The following UMAD1 variants were observed in gnomAD, a reference collection of about 807,000 sequenced individuals.
The protein encoded by UMAD1 is UBAP1-MVB12-associated (UMA)-domain containing protein 1.
Under a neutral mutation model 6.1 loss-of-function variants are expected in UMAD1, and 8 were observed. That is an observed-to-expected ratio of 1.30 (90% CI 0.76 to 2.35). The LOEUF (loss-of-function observed/expected upper bound fraction) is 2.35. Among genes scored for constraint, UMAD1 ranks in the 30% most tolerant of loss-of-function variants. The pLI is 0.00. For synonymous variants in UMAD1, 56 were observed against 31.4 expected (o/e 1.78, Z -2.61); for missense variants, 130 against 78.4 (o/e 1.66, Z -2.49).
Position 7,778,108 on chromosome 7 carries a change from T to C in UMAD1, c.83-23562T>C, listed in dbSNP as rs143227643. ...AACTTTAATATTATGACATTGTATG[T>C]CTTATGCAATATTAGGTTCTCTGAA... On this transcript the variant is annotated intron_variant, in intron 2 of 3. Coordinates refer to ENST00000682710, the MANE Select transcript of UMAD1 (RefSeq NM_001302348.2). Among the ~76,000 whole-genome samples the C allele has an allele frequency of 1.2e-3, 189 of 152,324 alleles. 4 individuals are homozygous for C. In the East Asian group the frequency reaches 0.034, roughly 27 times the overall value.
At chr7:7,827,830 T>C (rs564418846) in intron 3 of UMAD1, among the ~76,000 whole-genome samples, 1 of 152,218 alleles carries the variant, frequency 6.6e-6, no homozygotes, top group Admixed American at 6.5e-5. Flanking sequence ...TTAATGAAAA[T>C]TACTACCAGC....
At chr7:7,670,245 C>T (rs937682391) in intron 1 of UMAD1, among the ~76,000 whole-genome samples, 14 of 152,142 alleles carry the variant, frequency 9.2e-5, no homozygotes, top group Non-Finnish European at 1.8e-4. Flanking sequence ...GTGTTTGTTC[C>T]ATTTCTGACT....
At chr7:7,847,672 C>T (rs1258440032) in intron 3 of UMAD1, among the ~76,000 whole-genome samples, 3 of 152,088 alleles carry the variant, frequency 2.0e-5, no homozygotes, top group Non-Finnish European at 4.4e-5. Flanking sequence ...CTGTAATTCT[C>T]ACCAAGGCAG....
intron 3 of UMAD1, among the ~76,000 whole-genome samples, chr7:7,849,397 T>A (rs1283445182): frequency 6.6e-6 from 1 of 152,164 alleles, no homozygotes; most frequent in African/African-American, 2.4e-5. Context: ...TGTCCTGCAG[T>A]TCAACACAGT....
In UMAD1 at chr7:7,803,450, G is replaced by GC. The variant is rs561170368; in HGVS notation, c.156+1709dup. Among the ~76,000 whole-genome samples, 53 of 152,302 alleles carry GC rather than the reference G, an allele frequency of 3.5e-4. 2 individuals are homozygous for GC. In the South Asian group the frequency reaches 0.011, roughly 31 times the overall value. On this transcript the variant is annotated intron_variant, in intron 3 of 3. Coordinates refer to ENST00000682710, the MANE Select transcript of UMAD1 (RefSeq NM_001302348.2). ...CAGCAGAAACATTTAGTGAGTGCTG[G>GC]CCATAAGTAGCATCTCTGATAGGAA...
chr7:7,693,754 C>G (rs1042761176), intron 2 of UMAD1, among the ~76,000 whole-genome samples: 2 of 151,740 alleles, frequency 1.3e-5, no homozygotes, highest in Admixed American at 6.6e-5. Context: ...TTATATCCTT[C>G]TTTAAATATT....
intron 3 of UMAD1, among the ~76,000 whole-genome samples, chr7:7,828,807 A>G (rs968883085): frequency 2.7e-4 from 41 of 152,072 alleles, no homozygotes; most frequent in Admixed American, 1.3e-4. Context: ...CTTAGGAATT[A>G]CTGAACAGAT....
At chr7:7,860,604 C>CAAAAAAAAAAAAAAAAAAA (rs373823869) in intron 3 of UMAD1, among the ~76,000 whole-genome samples, 15 of 93,830 alleles carry the variant, frequency 1.6e-4, no homozygotes, top group Admixed American at 2.6e-4. Flanking sequence ...ACTAAAAATA[C>CAAAAAAAAAAAAAAAAAAA]AAAAAAAAAA....
intron 2 of UMAD1, among the ~76,000 whole-genome samples, chr7:7,743,741 C>A (rs1781517420): frequency 6.6e-6 from 1 of 151,026 alleles, no homozygotes. Flanking sequence ...TTCCATTCTG[C>A]ACTTTTAAAA....
At chr7:7,666,131 A>G (rs1779447924) in intron 1 of UMAD1, among the ~76,000 whole-genome samples, 1 of 152,156 alleles carries the variant, frequency 6.6e-6, no homozygotes, top group South Asian at 2.1e-4. Context: ...CAAGTGTACA[A>G]GAGTTCCAGT....
At chr7:7,747,065 A>G (rs991852629) in intron 2 of UMAD1, among the ~76,000 whole-genome samples, 2 of 152,080 alleles carry the variant, frequency 1.3e-5, no homozygotes, top group Admixed American at 1.3e-4. Flanking sequence ...CTAATTAGAA[A>G]TGATGTTTAT....
At chr7:7,725,789 C>A (rs1781127999) in intron 2 of UMAD1, among the ~76,000 whole-genome samples, 1 of 152,192 alleles carries the variant, frequency 6.6e-6, no homozygotes, top group South Asian at 2.1e-4. Context: ...GCCTTCTCTT[C>A]CCCAGACTGC....
intron 1 of UMAD1, among the ~76,000 whole-genome samples, chr7:7,670,313 T>G (rs1287302327): frequency 6.6e-6 from 1 of 152,194 alleles, no homozygotes; most frequent in Non-Finnish European, 1.5e-5. Flanking sequence ...AAGACTGTTA[T>G]TCATATGTTA....
At chr7:7,876,793 T>C (rs773949368) in intron 3 of UMAD1, among the ~76,000 whole-genome samples, 1 of 152,158 alleles carries the variant, frequency 6.6e-6, no homozygotes, top group Non-Finnish European at 1.5e-5. Context: ...TATAGTCTAG[T>C]TGGAGATAAG....
In UMAD1 at chr7:7,877,681, CTATTTT is replaced by C. The variant is rs1259596505; in HGVS notation, c.*146_*151del. On this transcript the variant is annotated 3_prime_UTR_variant, in exon 4 of 4. Transcript: ENST00000682710. Reference sequence around the variant, plus strand: ...AGAAAATAGCATTATGTTCACTACTCTATTTTTAAGAAAAAGGTACATTTGTATACA... The same window carrying C: ...AGAAAATAGCATTATGTTCACTACTCTAAGAAAAAGGTACATTTGTATACA... 1.2e-5 allele frequency: 7 copies of C among 592,192 alleles called. No individual in the cohort carries two copies. In the African/African-American group the frequency reaches 1.3e-4, roughly 11 times the overall value. The allele number at this position is 592,192 out of a possible 1,614,324, so 36.7% of individuals were successfully genotyped here.
chr7:7,728,421 G>A (rs1253821887), intron 2 of UMAD1, among the ~76,000 whole-genome samples: 3 of 152,086 alleles, frequency 2.0e-5, no homozygotes, highest in Admixed American at 6.6e-5. Context: ...CAAGGTGGGC[G>A]GATCATGAGG....
chr7:7,713,587 T>G (rs1780819602), intron 2 of UMAD1, among the ~76,000 whole-genome samples: 1 of 152,092 alleles, frequency 6.6e-6, no homozygotes, highest in Non-Finnish European at 1.5e-5. Context: ...GTTTCATCAT[T>G]TCTTGCTCTT....
At chr7:7,645,064 T>C (rs1035217929) in intron 1 of UMAD1, among the ~76,000 whole-genome samples, 2 of 152,234 alleles carry the variant, frequency 1.3e-5, no homozygotes, top group Non-Finnish European at 2.9e-5. Context: ...ATGAATGGTA[T>C]CATTTTTTAA....
intron 1 of UMAD1, among the ~76,000 whole-genome samples, chr7:7,649,048 C>T (rs1179924913): frequency 6.6e-6 from 1 of 151,098 alleles, no homozygotes; most frequent in Non-Finnish European, 1.5e-5. Context: ...ATCCCAGCTA[C>T]TCAGGAGGCT....
Sources: gnomAD v4.1 joint callset for allele counts (sites outside exome capture counted in the v4.1 genomes callset) on GRCh38, gnomAD v4.1.1 for gene constraint, MANE v1.5 for transcripts, NCBI Gene and HGNC (gene_info 2026-07-23, HGNC 2026-07-21) for gene names.